CHD1L: variants seen among roughly 807,000 people sequenced by gnomAD.
CHD1L encodes chromodomain helicase DNA binding protein 1 like.
Under a neutral mutation model 115.9 loss-of-function variants are expected in CHD1L, and 118 were observed. The observed-to-expected ratio is 1.02, with a 90% confidence interval of 0.88 to 1.19. The LOEUF (loss-of-function observed/expected upper bound fraction) is 1.19. Ranked by LOEUF, CHD1L falls within the 50% of genes most tolerant of loss-of-function variation. The pLI, the probability that CHD1L is intolerant of heterozygous loss-of-function variation, is 0.00. For synonymous variants in CHD1L, 411 were observed against 387.1 expected (o/e 1.06, Z -0.72); for missense variants, 1,179 against 1,065.3 (o/e 1.11, Z -1.49).
intron 7 of CHD1L, among the ~76,000 whole-genome samples, 158 bp from the exon 8 acceptor site, chr1:147,265,774 A>T (rs921465338): frequency 6.6e-6 from 1 of 152,224 alleles, no homozygotes; most frequent in Admixed American, 6.5e-5. Flanking sequence ...GATGATCCCA[A>T]TGAAGGAAGA....
chr1:147,197,136 C>A, the CHD1L span, among the ~76,000 whole-genome samples: 1 of 152,158 alleles, frequency 6.6e-6, no homozygotes, highest in African/African-American at 2.4e-5. Context: ...TCCTATAACA[C>A]TTTACCAGCA....
chr1:147,231,782 G>C, the CHD1L span, among the ~76,000 whole-genome samples: 1 of 152,116 alleles, frequency 6.6e-6, no homozygotes, highest in African/African-American at 2.4e-5. Context: ...CATTGGAAAA[G>C]CGCAGTATTA....
chr1:147,180,035 A>G, the CHD1L span, among the ~76,000 whole-genome samples: 1 of 151,962 alleles, frequency 6.6e-6, no homozygotes, highest in Admixed American at 6.6e-5. Flanking sequence ...GATAATTGTC[A>G]TAATGTTGTG....
In CHD1L at chr1:147,281,790, TA is replaced by T. The variant is rs1254030566; in HGVS notation, c.1705+1606del. ...GCATTGACTTTTACTTCTACTTCTTTAAAAAAATATATATATATTTATTTAT... is the reference window on the plus strand; with the variant it reads ...GCATTGACTTTTACTTCTACTTCTTTAAAAAATATATATATATTTATTTAT... On this transcript the variant is annotated intron_variant, in intron 15 of 22. Coordinates refer to ENST00000369258, the MANE Select transcript of CHD1L (RefSeq NM_004284.6). 9.2e-5 allele frequency among the ~76,000 whole-genome samples: 14 copies of T among 151,500 alleles called. No individual in the cohort carries two copies. The South Asian group carries it at 2.9e-3, about 31-fold the overall frequency.
In CHD1L at chr1:147,259,847, A is replaced by G; in HGVS notation, c.505A>G (p.Ser169Gly). ...DASFLKSFPW[S>G]VLVVDEAHRL... ...GGTTTTCTCTCACAGATTCCCTTGG[A>G]GTGTTCTTGTTGTGGATGAAGCTCA... is the stretch of plus-strand genomic sequence containing the variant. Residue 169 changes from serine to glycine, a missense_variant, in exon 6 of 23, where the codon AGT becomes GGT. By Grantham distance (56) the Ser-to-Gly change is moderately conservative (BLOSUM62 0). Transcript: ENST00000369258. 1.2e-6 allele frequency: 2 copies of G among 1,613,682 alleles called. No individual in the cohort carries two copies. Among genetic ancestry groups the G allele is most frequent in the Non-Finnish European group, 1.7e-6 (2 of 1,179,684 alleles).
chr1:147,219,840 C>CTT, the CHD1L span, among the ~76,000 whole-genome samples: 3,423 of 132,826 alleles, frequency 0.026, 195 homozygotes, highest in African/African-American at 0.09. Context: ...ATGTTAATTG[C>CTT]TTTTTTTTTT....
At chr1:147,285,903 GCCTAGGCTGGTCTCAAGAT>G (rs1682920380) in intron 17 of CHD1L, among the ~76,000 whole-genome samples, 1 of 152,024 alleles carries the variant, frequency 6.6e-6, no homozygotes, top group South Asian at 2.1e-4. Flanking sequence ...TCACGGTGTT[GCCTAGGCTGGTCTCAAGAT>G]CCTAGGCCCA....
At chr1:147,264,661 G>A in intron 7 of CHD1L, 77 bp downstream of exon 7, 2 of 1,468,984 alleles carry the variant, frequency 1.4e-6, no homozygotes, top group Non-Finnish European at 1.9e-6. Flanking sequence ...GTTATAGGTA[G>A]AAAAGAAGGA....
At chr1:147,285,626 A>T (rs1682798611) in intron 17 of CHD1L, 139 bp downstream of exon 17, 1 of 979,588 alleles carries the variant, frequency 1.0e-6, no homozygotes, top group Non-Finnish European at 1.5e-6. Flanking sequence ...TACTTTCTGA[A>T]AACATTTCCT....
In CHD1L at chr1:147,259,830, C is replaced by T. The variant is rs986881240; in HGVS notation, c.495-7C>T. 2.5e-6 allele frequency: 4 copies of T among 1,609,404 alleles called. No homozygotes were observed. In the Admixed American group the frequency reaches 5.1e-5, roughly 20 times the overall value. On this transcript the variant is annotated splice_polypyrimidine_tract_variant and splice_region_variant and intron_variant, in intron 5 of 22. Transcript: ENST00000369258. ...ACAAAACTGAAAGCTTGGGTTTTCT[C>T]TCACAGATTCCCTTGGAGTGTTCTT... is the stretch of plus-strand genomic sequence containing the variant.
intron 1 of CHD1L, among the ~76,000 whole-genome samples, chr1:147,243,860 A>G (rs1665731881): frequency 6.6e-6 from 1 of 152,240 alleles, no homozygotes; most frequent in Admixed American, 6.5e-5. Context: ...AGTGCTCAGT[A>G]CCACGAAAGA....
intron 19 of CHD1L, among the ~76,000 whole-genome samples, chr1:147,291,149 A>G (rs587673271): frequency 6.6e-6 from 1 of 152,342 alleles, no homozygotes; most frequent in Admixed American, 6.5e-5. Flanking sequence ...ATTTAGGACA[A>G]GCACAAAACT....
At chr1:147,253,823 T>C (rs1553938054) in intron 2 of CHD1L, among the ~76,000 whole-genome samples, 1 of 152,224 alleles carries the variant, frequency 6.6e-6, no homozygotes, top group Admixed American at 6.5e-5. Flanking sequence ...AGTGCGTATA[T>C]AGTTTGTATT....
intron 2 of CHD1L, among the ~76,000 whole-genome samples, chr1:147,254,039 T>C (rs1431427583): frequency 2.6e-5 from 4 of 152,252 alleles, no homozygotes; most frequent in Admixed American, 2.0e-4. Flanking sequence ...TTTTGAATTA[T>C]ATCCTTAGGA....
At chr1:147,236,171 G>C in the CHD1L span, among the ~76,000 whole-genome samples, 52 of 152,180 alleles carry the variant, frequency 3.4e-4, no homozygotes, top group Non-Finnish European at 5.3e-4. Flanking sequence ...AGATTTCATG[G>C]CTGGCACTGG....
chr1:147,245,807 A>G (rs1666424019), intron 1 of CHD1L, among the ~76,000 whole-genome samples: 1 of 151,708 alleles, frequency 6.6e-6, no homozygotes, highest in Non-Finnish European at 1.5e-5. Flanking sequence ...CCTTCTGAGT[A>G]GCTGGGACTA....
chr1:147,184,470 G>T, the CHD1L span: 2 of 1,479,612 alleles, frequency 1.4e-6, no homozygotes, highest in South Asian at 1.4e-5. The surrounding 1 kb of genome is among the most constrained non-coding windows in gnomAD (Gnocchi z 4.4). Flanking sequence ...GTCCATCCAG[G>T]ATACTACATT....
intron 19 of CHD1L, among the ~76,000 whole-genome samples, chr1:147,290,914 A>G (rs1192036067): frequency 6.6e-6 from 1 of 152,068 alleles, no homozygotes; most frequent in Non-Finnish European, 1.5e-5. Flanking sequence ...CAGCCTCCCA[A>G]AGCACTGGGA....
intron 6 of CHD1L, among the ~76,000 whole-genome samples, 199 bp from the exon 7 acceptor site, chr1:147,264,223 T>C (rs1673035588): frequency 6.6e-6 from 1 of 152,214 alleles, no homozygotes; most frequent in Admixed American, 6.5e-5. Flanking sequence ...CCCCTTCTTA[T>C]AGTTGAAACT....
Sources: gnomAD v4.1 joint callset for allele counts (sites outside exome capture counted in the v4.1 genomes callset) on GRCh38, gnomAD v4.1.1 for gene constraint, Gnocchi (gnomAD v3.1) non-coding constraint, MANE v1.5 for transcripts, NCBI Gene and HGNC (gene_info 2026-07-23, HGNC 2026-07-21) for gene names.